The following MRPS27 variants were observed in gnomAD, a reference collection of about 807,000 sequenced individuals.
MRPS27 encodes small ribosomal subunit protein mS27.
In MRPS27, 43 loss-of-function variants were observed where a neutral mutation model predicts 48.9. That is an observed-to-expected ratio of 0.88 (90% confidence interval 0.69 to 1.13). The LOEUF (loss-of-function observed/expected upper bound fraction) is 1.13, where lower values mean the gene tolerates loss of function less well. Among genes scored for constraint, MRPS27 ranks in the 50% most tolerant of loss-of-function variants. MRPS27 has a pLI of 0.00. For synonymous variants in MRPS27, 188 were observed against 171.9 expected, an observed-to-expected ratio of 1.09 and a Z score of -0.73; for missense variants, 467 against 476.3, an observed-to-expected ratio of 0.98 and a Z score of 0.18.
In MRPS27 at chr5:72,219,888, G is replaced by C. The variant is rs1274046860; in HGVS notation, c.*1021C>G. Reference sequence around the variant, plus strand: ...GGAAAAAAAAAATTGGAAAAAAAATGTTACCCCAACACGATGGAGAAGCCA... The same window carrying C: ...GGAAAAAAAAAATTGGAAAAAAAATCTTACCCCAACACGATGGAGAAGCCA... On this transcript the variant is annotated 3_prime_UTR_variant, in exon 11 of 11. Transcript: ENST00000261413. The C allele has an allele frequency of 6.6e-6, 1 of 152,510 alleles. No homozygotes were observed. Among genetic ancestry groups the C allele is most frequent in the Non-Finnish European group, 1.5e-5 (1 of 68,006 alleles). The allele number at this position is 152,510 out of a possible 1,614,324, so 9.4% of individuals were successfully genotyped here.
chr5:72,235,417 A>C (rs1460313057), intron 5 of MRPS27, among the ~76,000 whole-genome samples: 1 of 152,168 alleles, frequency 6.6e-6, no homozygotes, highest in Admixed American at 6.5e-5. Flanking sequence ...ATGATACTAC[A>C]ATGGTGGATA....
chr5:72,247,507 G>T (rs993265426), intron 4 of MRPS27, among the ~76,000 whole-genome samples: 3 of 152,104 alleles, frequency 2.0e-5, no homozygotes, highest in African/African-American at 7.2e-5. Context: ...ACTTTGGGCA[G>T]GCAACAGAGA....
At chr5:72,258,095 A>G (rs953513687) in intron 4 of MRPS27, among the ~76,000 whole-genome samples, 4 of 151,766 alleles carry the variant, frequency 2.6e-5, no homozygotes, top group Non-Finnish European at 5.9e-5. Flanking sequence ...AAAAAAAAAA[A>G]AAAAAAAAGA....
chr5:72,226,125 C>G lies in MRPS27; in HGVS notation c.769G>C (p.Asp257His). The change falls in exon 9 of 11, where the codon GAC (aspartate) becomes CAC (histidine). Residue 257 changes from aspartate (D) to histidine (H), a missense_variant. Transcript: ENST00000261413. ...TTCTCCATCACTTGAAGGGCTCTGT[C>G]AAGGTAGCCTGGTTTCCATATCAGA... ...MPLIWKPGYL[D>H]RALQVMEKVA... 6.2e-7 allele frequency: 1 copy of G among 1,613,828 alleles called. No individual in the cohort carries two copies. The highest frequency in any genetic ancestry group is 8.5e-7 in the Non-Finnish European group (1 of 1,179,834).
intron 4 of MRPS27, among the ~76,000 whole-genome samples, chr5:72,284,445 A>T (rs1047538675): frequency 5.3e-5 from 8 of 151,090 alleles, no homozygotes; most frequent in South Asian, 4.2e-4. Context: ...AAAAAAAAAA[A>T]TTTGGTTAAT....
intron 8 of MRPS27, chr5:72,227,720 T>A (rs1159770854): frequency 6.5e-6 from 1 of 152,748 alleles, no homozygotes; most frequent in Non-Finnish European, 1.5e-5. Flanking sequence ...TGATTTTCAA[T>A]GCAATCAGGG....
At chr5:72,237,120 T>C (rs759231905) in intron 5 of MRPS27, among the ~76,000 whole-genome samples, 10 of 152,062 alleles carry the variant, frequency 6.6e-5, no homozygotes, top group Non-Finnish European at 1.5e-4. Context: ...AATGCTAGGA[T>C]TACAGGCATG....
intron 4 of MRPS27, among the ~76,000 whole-genome samples, chr5:72,245,160 T>G (rs1178801632): frequency 6.6e-6 from 1 of 152,142 alleles, no homozygotes. Flanking sequence ...TGGTAAGACT[T>G]CTCCAGCCTC....
At chr5:72,272,815 T>C (rs1749280660) in intron 4 of MRPS27, among the ~76,000 whole-genome samples, 1 of 152,168 alleles carries the variant, frequency 6.6e-6, no homozygotes, top group African/African-American at 2.4e-5. Context: ...AAAGCCCACA[T>C]TATTTACTAT....
rs757422602 is a variant in MRPS27, at chr5:72,226,084, T to A, written c.810A>T (p.Pro270=). 2 of 1,613,792 alleles carry A rather than the reference T, an allele frequency of 1.2e-6. No homozygotes were observed. Among genetic ancestry groups the A allele is most frequent in the South Asian group, 2.2e-5 (2 of 91,064 alleles). The change falls in exon 9 of 11, where the codon CCA becomes CCT. Residue 270 remains proline (P), a synonymous_variant. Coordinates refer to ENST00000261413, the MANE Select transcript of MRPS27 (RefSeq NM_015084.3). ...LQVMEKVAAS[P]EDIKLCREAL... is the part of the protein sequence containing the mutation. The stretch of plus-strand genomic sequence containing the variant: ...CTTCTCTACACAGCTTTATGTCTTC[T>A]GGGGAGGCAGCCACTTTCTCCATCA...
intron 4 of MRPS27, among the ~76,000 whole-genome samples, chr5:72,280,545 A>C (rs939618224): frequency 1.3e-5 from 2 of 152,270 alleles, no homozygotes; most frequent in African/African-American, 4.8e-5. Flanking sequence ...TCAGCTCTAC[A>C]AATAGAAACT....
At chr5:72,309,798 C>T (rs533827237) in intron 2 of MRPS27, among the ~76,000 whole-genome samples, 20 of 152,322 alleles carry the variant, frequency 1.3e-4, no homozygotes, top group Non-Finnish European at 2.4e-4. Context: ...ATGGCACATC[C>T]GAACACGCCT....
intron 4 of MRPS27, among the ~76,000 whole-genome samples, chr5:72,277,473 G>T (rs534920527): frequency 1.3e-5 from 2 of 151,946 alleles, no homozygotes; most frequent in East Asian, 3.9e-4. Flanking sequence ...GCATGGTGGC[G>T]CATGTCTGTA....
chr5:72,293,786 T>A (rs1194140882), intron 4 of MRPS27, among the ~76,000 whole-genome samples: 1 of 152,220 alleles, frequency 6.6e-6, no homozygotes, highest in Non-Finnish European at 1.5e-5. Flanking sequence ...TCTCACAGGA[T>A]GAAATTCTAA....
chr5:72,275,637 T>A (rs1386770695), intron 4 of MRPS27, among the ~76,000 whole-genome samples: 1 of 152,226 alleles, frequency 6.6e-6, no homozygotes, highest in East Asian at 1.9e-4. Flanking sequence ...AAACAAAGGA[T>A]TCTTAGCAAA....
At chr5:72,256,566 G>T (rs893103937) in intron 4 of MRPS27, among the ~76,000 whole-genome samples, 2 of 152,174 alleles carry the variant, frequency 1.3e-5, no homozygotes, top group Non-Finnish European at 2.9e-5. Flanking sequence ...GAGTCTTAAT[G>T]TATTGCCCTC....
chr5:72,291,219 A>G (rs1749810654), intron 4 of MRPS27, among the ~76,000 whole-genome samples: 1 of 152,190 alleles, frequency 6.6e-6, no homozygotes, highest in African/African-American at 2.4e-5. Flanking sequence ...AAGAAGAGAA[A>G]ACAAAGACCC....
At chr5:72,258,147 G>A (rs554701205) in intron 4 of MRPS27, among the ~76,000 whole-genome samples, 1 of 150,148 alleles carries the variant, frequency 6.7e-6, no homozygotes, top group African/African-American at 2.5e-5. Flanking sequence ...CGAGGCACCA[G>A]AGCATCTATA....
At chr5:72,244,219 A>AT (rs1202210526) in intron 4 of MRPS27, among the ~76,000 whole-genome samples, 1 of 152,092 alleles carries the variant, frequency 6.6e-6, no homozygotes, top group African/African-American at 2.4e-5. Context: ...GAGTAAGTAG[A>AT]TTTTTGGTAG....
Sources: allele counts gnomAD v4.1 joint callset (sites outside exome capture counted in the v4.1 genomes callset), GRCh38; gene constraint gnomAD v4.1.1; transcripts MANE v1.5; gene names NCBI Gene and HGNC (gene_info 2026-07-23, HGNC 2026-07-21).